The following SPATA1 variants were observed in gnomAD, a reference collection of about 807,000 sequenced individuals.
SPATA1 encodes spermatogenesis associated 1.
Under a neutral mutation model 59.6 loss-of-function variants are expected in SPATA1, and 57 were observed. That is an observed-to-expected ratio of 0.96 (90% CI 0.77 to 1.19). The LOEUF (loss-of-function observed/expected upper bound fraction) is 1.19. SPATA1 is among the 50% of genes most tolerant of loss of function. SPATA1 has a pLI of 0.00. For missense variants in SPATA1, 448 were observed against 480.7 expected (o/e 0.93, Z 0.64); for synonymous variants, 147 against 163.9 (o/e 0.90, Z 0.79).
At chr1:84,526,215 T>A in intron 6 of SPATA1, 142 bp downstream of exon 6, 1 of 639,374 alleles carries the variant, frequency 1.6e-6, no homozygotes, top group Non-Finnish European at 2.5e-6. Context: ...CTTGGGGATT[T>A]CTAAAAAAAT....
intron 8 of SPATA1, among the ~76,000 whole-genome samples, chr1:84,536,703 C>T (rs185701166): frequency 6.6e-6 from 1 of 152,040 alleles, no homozygotes; most frequent in African/African-American, 2.4e-5. Context: ...CTCGGCCTCC[C>T]AAAGTGCTGG....
At chr1:84,514,450 C>T (rs1377910203) in intron 1 of SPATA1, among the ~76,000 whole-genome samples, 1 of 152,126 alleles carries the variant, frequency 6.6e-6, no homozygotes, top group Non-Finnish European at 1.5e-5. Flanking sequence ...GGGATATTTG[C>T]ATTATATCGG....
At chr1:84,541,191 T>G (rs1325221290) in intron 8 of SPATA1, among the ~76,000 whole-genome samples, 1 of 152,248 alleles carries the variant, frequency 6.6e-6, no homozygotes, top group African/African-American at 2.4e-5. Flanking sequence ...CAGTTGAGAA[T>G]TGTAGGTCAG....
chr1:84,542,996 GT>G (rs1311834345), intron 8 of SPATA1, among the ~76,000 whole-genome samples: 3 of 151,884 alleles, frequency 2.0e-5, no homozygotes, highest in Non-Finnish European at 4.4e-5. Context: ...AATTTATAAA[GT>G]AGGCACAGTA....
intron 1 of SPATA1, among the ~76,000 whole-genome samples, chr1:84,513,463 C>T (rs938436638): frequency 6.6e-6 from 1 of 152,208 alleles, no homozygotes; most frequent in African/African-American, 2.4e-5. Context: ...ATTAGCCTCT[C>T]ATGGTTTCAA....
chr1:84,537,569 A>T (rs983782594), intron 8 of SPATA1, among the ~76,000 whole-genome samples: 15 of 152,206 alleles, frequency 9.9e-5, no homozygotes, highest in Admixed American at 2.6e-4. Context: ...TTGAGGAAAA[A>T]CCCTGTCACT....
At chr1:84,549,959 T>C (rs1684220861) in intron 11 of SPATA1, 1 of 151,940 alleles carries the variant, frequency 6.6e-6, no homozygotes, top group African/African-American at 2.4e-5. Context: ...TTAAAACTCT[T>C]AAATAACTTC....
intron 1 of SPATA1, among the ~76,000 whole-genome samples, chr1:84,509,391 T>C (rs1045231579): frequency 6.6e-6 from 1 of 152,226 alleles, no homozygotes; most frequent in Non-Finnish European, 1.5e-5. Flanking sequence ...GCTAGATGTC[T>C]CTCTCCTCGT....
At chr1:84,511,557 G>T (rs570280322) in intron 1 of SPATA1, among the ~76,000 whole-genome samples, 17 of 151,560 alleles carry the variant, frequency 1.1e-4, no homozygotes, top group African/African-American at 3.9e-4. Flanking sequence ...GTCAACACTA[G>T]GACGTGTCTA....
chr1:84,556,688 G>A (rs1684441702), downstream of SPATA1, among the ~76,000 whole-genome samples: 1 of 133,646 alleles, frequency 7.5e-6, no homozygotes, highest in Non-Finnish European at 1.5e-5. Flanking sequence ...CTCCAGCCTG[G>A]AGACAGAGCA....
chr1:84,532,541 C>A (rs558748225), intron 6 of SPATA1, among the ~76,000 whole-genome samples: 7 of 152,122 alleles, frequency 4.6e-5, no homozygotes, highest in Non-Finnish European at 1.0e-4. Flanking sequence ...TTACCTACCC[C>A]GCTCTTGCAG....
chr1:84,567,261 T>C (rs1684718792), downstream of SPATA1, among the ~76,000 whole-genome samples: 3 of 152,220 alleles, frequency 2.0e-5, no homozygotes, highest in South Asian at 6.2e-4. Flanking sequence ...AAATAAGTTA[T>C]GAAATAAAAT....
At chr1:84,556,039 A>T (rs1400243482), downstream of SPATA1, 3 of 152,332 alleles carry the variant, frequency 2.0e-5, no homozygotes, top group Admixed American at 6.5e-5. Flanking sequence ...ACATTCTCAG[A>T]GTCTGTTAGG....
intron 8 of SPATA1, among the ~76,000 whole-genome samples, chr1:84,539,620 G>C (rs1291248253): frequency 6.6e-6 from 1 of 152,138 alleles, no homozygotes; most frequent in African/African-American, 2.4e-5. Flanking sequence ...GGGGTTACCT[G>C]TTTTAAGTAT....
chr1:84,545,590 T>C (rs1570448030), intron 9 of SPATA1, 44 bp from the exon 10 acceptor site: 1 of 1,472,288 alleles, frequency 6.8e-7, no homozygotes, highest in Non-Finnish European at 8.9e-7. Context: ...TGAGCCATCT[T>C]TCAGCTTTGA....
In SPATA1 at chr1:84,548,886, T is replaced by TA; in HGVS notation, c.1053dup (p.Leu352ThrfsTer6). On this transcript the variant is annotated frameshift_variant, in exon 11 of 13. Transcript: ENST00000490879. LOFTEE classifies it high-confidence loss of function. Reference sequence around the variant, plus strand: ...TTCGAGAAGATTTGGAACTCTACTATAAAAAACTGCTCATGCAACTTGAAG... The same window carrying TA: ...TTCGAGAAGATTTGGAACTCTACTATAAAAAAACTGCTCATGCAACTTGAAG... 1 of 1,596,328 alleles carries TA rather than the reference T, an allele frequency of 6.3e-7. No individual in the cohort carries two copies. Among genetic ancestry groups the TA allele is most frequent in the South Asian group, 1.1e-5 (1 of 90,070 alleles).
downstream of SPATA1, among the ~76,000 whole-genome samples, chr1:84,557,622 G>C (rs1381417861): frequency 6.7e-6 from 1 of 150,374 alleles, no homozygotes; most frequent in Admixed American, 6.6e-5. Context: ...TTGGGAGGCC[G>C]AGATGGGCAG....
At chr1:84,533,381 T>G (rs1172957442) in intron 7 of SPATA1, among the ~76,000 whole-genome samples, 1 of 152,130 alleles carries the variant, frequency 6.6e-6, no homozygotes, top group Non-Finnish European at 1.5e-5. Context: ...CACAGTCTTT[T>G]GAAATTAAGG....
At chr1:84,550,476 C>A in exon 12 of SPATA1, 1 of 1,567,480 alleles carries the variant, frequency 6.4e-7, no homozygotes, top group Non-Finnish European at 8.7e-7. Flanking sequence ...ATGCAATTGA[C>A]CAGCTTAAGA....
Sources: allele counts gnomAD v4.1 joint callset (sites outside exome capture counted in the v4.1 genomes callset), GRCh38; gene constraint gnomAD v4.1.1; transcripts MANE v1.5; gene names NCBI Gene and HGNC (gene_info 2026-07-23, HGNC 2026-07-21).